Variants in SLC24A4 observed in about 807,000 individuals in gnomAD.
The protein encoded by SLC24A4 is sodium/potassium/calcium exchanger 4.
A neutral mutation model predicts 79.0 loss-of-function variants in SLC24A4; 53 were observed. The observed-to-expected ratio is 0.67, with a 90% CI of 0.54 to 0.84. The LOEUF is 0.84. Ranked by LOEUF, SLC24A4 falls within the 40% of genes least tolerant of loss-of-function variation. SLC24A4 has a pLI of 0.00. For synonymous variants in SLC24A4, 323 were observed against 323.8 expected, an observed-to-expected ratio of 1.00 and a Z score of 0.03; for missense variants, 731 against 822.0, an observed-to-expected ratio of 0.89 and a Z score of 1.35.
chr14:92,448,106 T>C (rs766286388), intron 9 of SLC24A4, among the ~76,000 whole-genome samples: 39 of 152,128 alleles, frequency 2.6e-4, no homozygotes, highest in Non-Finnish European at 4.9e-4. Flanking sequence ...ACATGAGGGA[T>C]CTAGAAGAGC....
intron 2 of SLC24A4, among the ~76,000 whole-genome samples, chr14:92,404,992 T>A (rs61216194): frequency 0.078 from 11,922 of 152,206 alleles, 738 homozygotes; most frequent in African/African-American, 0.15. Context: ...AAATAGATTT[T>A]AAAAAAATAC....
intron 3 of SLC24A4, 65 bp downstream of exon 3, chr14:92,434,053 C>A: frequency 7.8e-7 from 1 of 1,276,290 alleles, no homozygotes; most frequent in Non-Finnish European, 1.1e-6. Context: ...CACAGCGGGG[C>A]AGAGCCGTGG....
intron 2 of SLC24A4, among the ~76,000 whole-genome samples, chr14:92,361,225 T>C (rs1887496222): frequency 1.3e-5 from 2 of 152,182 alleles, no homozygotes. Context: ...AACTTTTTTT[T>C]TTTTGCTGAA....
At chr14:92,420,060 T>A (rs1160531424) in intron 2 of SLC24A4, among the ~76,000 whole-genome samples, 1 of 152,148 alleles carries the variant, frequency 6.6e-6, no homozygotes, top group Non-Finnish European at 1.5e-5. Flanking sequence ...AACCAAGGAA[T>A]GCCAGGGACT....
intron 2 of SLC24A4, among the ~76,000 whole-genome samples, chr14:92,401,921 A>G (rs770252371): frequency 1.3e-5 from 2 of 152,210 alleles, no homozygotes; most frequent in Admixed American, 6.5e-5. Context: ...AGCAAAATTC[A>G]TTCTTTGTTT....
chr14:92,443,614 C>A (rs574044164), intron 7 of SLC24A4, 140 bp downstream of exon 7: 1 of 865,288 alleles, frequency 1.2e-6, no homozygotes, highest in Non-Finnish European at 1.9e-6. Flanking sequence ...CCACTCACTG[C>A]GGTCACAGTG....
intron 2 of SLC24A4, among the ~76,000 whole-genome samples, chr14:92,395,458 C>CACAT (rs921191959): frequency 2.0e-5 from 3 of 151,908 alleles, no homozygotes; most frequent in Non-Finnish European, 4.4e-5. Context: ...CACACACACA[C>CACAT]ACACACACGA....
intron 2 of SLC24A4, among the ~76,000 whole-genome samples, chr14:92,333,678 A>T (rs1021580837): frequency 6.6e-6 from 1 of 152,232 alleles, no homozygotes; most frequent in East Asian, 1.9e-4. Context: ...CTGCAGAGAA[A>T]GGTGCTTCGT....
chr14:92,334,454 A>G (rs1478988128), intron 2 of SLC24A4, among the ~76,000 whole-genome samples: 4 of 152,174 alleles, frequency 2.6e-5, no homozygotes, highest in African/African-American at 9.7e-5. Context: ...GGATGGTTAT[A>G]GTGGATCAGT....
At chr14:92,409,902 A>G (rs1039464389) in intron 2 of SLC24A4, among the ~76,000 whole-genome samples, 40 of 152,320 alleles carry the variant, frequency 2.6e-4, no homozygotes, top group African/African-American at 9.4e-4. Context: ...GGGAACATGG[A>G]TGGAGCTGGA....
rs891167870 is a variant in SLC24A4 at position 92,490,094 on chromosome 14, T to A, written c.1538-1571T>A. Among the ~76,000 whole-genome samples, 1 of 152,068 alleles carries A rather than the reference T, an allele frequency of 6.6e-6. No individual in the cohort carries two copies. The highest frequency in any genetic ancestry group is 1.5e-5 in the Non-Finnish European group (1 of 68,026). ...AGGGGAGGAGGAGGTGACCTAGCTA[T>A]GCAACATGGGCGGGCTGGCAGTCGA... On this transcript the variant is annotated intron_variant, in intron 14 of 16. Transcript: ENST00000532405. This position sits in a 1 kb window ranked among gnomAD's most constrained non-coding sequence, Gnocchi z 4.3.
intron 2 of SLC24A4, among the ~76,000 whole-genome samples, chr14:92,415,602 C>A (rs909559244): frequency 2.0e-5 from 3 of 151,942 alleles, no homozygotes; most frequent in Non-Finnish European, 2.9e-5. Context: ...GGATTGTAAG[C>A]GCCCACAACC....
Position 92,343,091 on chromosome 14 carries a change from G to A in SLC24A4, c.241+17113G>A, listed in dbSNP as rs140400125. Among the ~76,000 whole-genome samples, 9 of 152,336 alleles carry A rather than the reference G, an allele frequency of 5.9e-5. No individual in the cohort carries two copies. In the East Asian group the frequency reaches 1.3e-3, roughly 23 times the overall value. ...GCTGTGCAGCCGCCTGTCCGAGACA[G>A]CTGCCTGGGAACTCTGCAGCTGCCC... On this transcript the variant is annotated intron_variant, in intron 2 of 16. Coordinates refer to ENST00000532405, the MANE Select transcript of SLC24A4 (RefSeq NM_153646.4).
At chr14:92,393,976 A>C (rs1462674295) in intron 2 of SLC24A4, among the ~76,000 whole-genome samples, 1 of 151,730 alleles carries the variant, frequency 6.6e-6, no homozygotes. Flanking sequence ...GCACCACTGC[A>C]CTCCATCCTG....
Position 92,491,658 on chromosome 14 carries a change from C to A in SLC24A4, c.1538-7C>A. 1 of 1,599,156 alleles carries A rather than the reference C, an allele frequency of 6.3e-7. No individual in the cohort carries two copies. The highest frequency in any genetic ancestry group is 8.6e-7 in the Non-Finnish European group (1 of 1,166,462). The stretch of plus-strand genomic sequence containing the variant: ...TTATAAAATAAATGTGTTGTTGTCC[C>A]CTGCAGGCCTTGGGGACATGGCAGT... On this transcript the variant is annotated splice_polypyrimidine_tract_variant and splice_region_variant and intron_variant, in intron 14 of 16. Coordinates refer to ENST00000532405, the MANE Select transcript of SLC24A4 (RefSeq NM_153646.4).
intron 2 of SLC24A4, among the ~76,000 whole-genome samples, chr14:92,368,384 G>A (rs781550313): frequency 6.6e-6 from 1 of 152,188 alleles, no homozygotes; most frequent in Non-Finnish European, 1.5e-5. Flanking sequence ...CCTCATTTAG[G>A]AGATTTGGAT....
chr14:92,493,393 C>T, intron 16 of SLC24A4, 83 bp from the exon 17 acceptor site: 1 of 1,521,874 alleles, frequency 6.6e-7, no homozygotes, highest in South Asian at 1.2e-5. Context: ...CTAGGTTTCC[C>T]CACATAGGTG....
rs139748681 is a variant in SLC24A4 at position 92,433,809 on chromosome 14, G to A, written c.242-103G>A. 369 of 945,980 alleles carry A rather than the reference G, an allele frequency of 3.9e-4. 1 individual carries two copies. Among genetic ancestry groups the A allele is most frequent in the African/African-American group, 3.4e-3 (213 of 62,214 alleles). The allele number at this position is 945,980 out of a possible 1,614,324, so 58.6% of individuals were successfully genotyped here. A position where few individuals can be genotyped will look rare whatever the true frequency, so the allele number is the denominator to read the frequency against. On this transcript the variant is annotated intron_variant, in intron 2 of 16. Coordinates refer to ENST00000532405, the MANE Select transcript of SLC24A4 (RefSeq NM_153646.4). ...GCCTTCTCTCTGATCAGTCCAAAGC[G>A]AGGTGGGCTCTGCAGTTCCTTAGTG...
intron 2 of SLC24A4, among the ~76,000 whole-genome samples, chr14:92,423,308 C>A (rs1891389431): frequency 6.6e-6 from 1 of 151,816 alleles, no homozygotes; most frequent in South Asian, 2.1e-4. Flanking sequence ...CCATGCCTGG[C>A]TAATTTTTGT....
Sources: gnomAD v4.1 joint callset for allele counts (sites outside exome capture counted in the v4.1 genomes callset) on GRCh38, gnomAD v4.1.1 for gene constraint, Gnocchi (gnomAD v3.1) non-coding constraint, MANE v1.5 for transcripts, NCBI Gene and HGNC (gene_info 2026-07-23, HGNC 2026-07-21) for gene names.